Variants in B9D1 observed in about 807,000 individuals in gnomAD.
The protein encoded by B9D1 is B9 domain containing 1.
Under a neutral mutation model 26.1 loss-of-function variants are expected in B9D1, and 20 were observed. That is an observed-to-expected ratio of 0.77 (90% confidence interval 0.54 to 1.12). B9D1 has a LOEUF of 1.12. Among genes scored for constraint, B9D1 ranks in the 50% most tolerant of loss-of-function variants. B9D1 has a pLI of 0.00. For synonymous variants in B9D1, 105 were observed against 103.1 expected, an observed-to-expected ratio of 1.02 and a Z score of -0.11; for missense variants, 260 against 273.7, an observed-to-expected ratio of 0.95 and a Z score of 0.35.
At chr17:19,362,746 G>T, upstream of B9D1, 33 of 1,333,780 alleles carry the variant, frequency 2.5e-5, no homozygotes, top group East Asian at 6.9e-5. Context: ...AACGGGCGCC[G>T]TTATAAGGGG....
upstream of B9D1, chr17:19,362,842 C>A: frequency 1.2e-6 from 1 of 861,738 alleles, no homozygotes; most frequent in Non-Finnish European, 1.7e-6. Context: ...GGAGCGTTGA[C>A]CTGTCGGGTA....
At chr17:19,358,067 A>G in intron 2 of B9D1, 116 bp from the exon 3 acceptor site, 1 of 751,026 alleles carries the variant, frequency 1.3e-6, no homozygotes. Flanking sequence ...TCTTCTCCCA[A>G]GACACGAACT....
intron 3 of B9D1, among the ~76,000 whole-genome samples, chr17:19,349,469 T>A (rs926546798): frequency 5.3e-5 from 8 of 151,416 alleles, no homozygotes; most frequent in African/African-American, 1.9e-4. Context: ...CACTGCAACC[T>A]CAACCTCCTG....
Position 19,347,817 on chromosome 17 carries a change from T to TA in B9D1, c.307dup (p.Tyr103LeufsTer27). ...TGAGAAGGGCACGTGCACGGCCCCA[T>TA]AGCCTCGAACCACATCGTTCCCGAA... On this transcript the variant is annotated frameshift_variant, in exon 4 of 7. Coordinates refer to ENST00000261499, the MANE Select transcript of B9D1 (RefSeq NM_015681.6). LOFTEE classifies it high-confidence loss of function. This position sits in a 1 kb window ranked among gnomAD's most constrained non-coding sequence, Gnocchi z 4.3. 1 of 1,613,892 alleles carries TA rather than the reference T, an allele frequency of 6.2e-7. No homozygotes were observed. The highest frequency in any genetic ancestry group is 1.1e-5 in the South Asian group (1 of 91,064).
chr17:19,356,532 C>T (rs1757181756), intron 3 of B9D1, among the ~76,000 whole-genome samples: 1 of 152,194 alleles, frequency 6.6e-6, no homozygotes, highest in Non-Finnish European at 1.5e-5. Context: ...CTCCCTTATT[C>T]CTAGGGCAGC....
At chr17:19,375,234 G>A (rs1183595882) in intron 1 of B9D1, among the ~76,000 whole-genome samples, 1 of 151,734 alleles carries the variant, frequency 6.6e-6, no homozygotes, top group Non-Finnish European at 1.5e-5. Flanking sequence ...AGGCTGCAGT[G>A]AGCTGAGATC....
chr17:19,340,633 C>T (rs1043112477), downstream of B9D1, among the ~76,000 whole-genome samples: 1 of 151,134 alleles, frequency 6.6e-6, no homozygotes, highest in Admixed American at 6.6e-5. Flanking sequence ...ACTAAAAATA[C>T]AAAAATTAGC....
At chr17:19,361,955 G>C (rs566629387) in intron 1 of B9D1, among the ~76,000 whole-genome samples, 1 of 152,318 alleles carries the variant, frequency 6.6e-6, no homozygotes, top group South Asian at 2.1e-4. Flanking sequence ...TTGAGGACTT[G>C]GTGAGCGTTG....
intron 5 of B9D1, among the ~76,000 whole-genome samples, chr17:19,346,248 G>A (rs900079283): frequency 6.6e-6 from 1 of 152,182 alleles, no homozygotes; most frequent in African/African-American, 2.4e-5. Context: ...CCTCCCAGAA[G>A]GACTCCTAGG....
intron 1 of B9D1, among the ~76,000 whole-genome samples, chr17:19,361,764 A>G (rs1248283485): frequency 6.6e-6 from 1 of 151,872 alleles, no homozygotes; most frequent in East Asian, 1.9e-4. Context: ...AATAAACACC[A>G]CCTCCAACAG....
At chr17:19,371,491 G>A (rs1056307323) in intron 1 of B9D1, 12 of 152,212 alleles carry the variant, frequency 7.9e-5, no homozygotes, top group Admixed American at 5.9e-4. Context: ...CTGAGGCTCA[G>A]AGAGGGCCGA....
downstream of B9D1, chr17:19,335,412 G>C (rs779893240): frequency 6.5e-7 from 1 of 1,549,880 alleles, no homozygotes; most frequent in South Asian, 1.2e-5. Flanking sequence ...AAGGCATGCA[G>C]GGATTAACAG....
chr17:19,375,339 T>C (rs913746424), intron 1 of B9D1, among the ~76,000 whole-genome samples: 2 of 151,474 alleles, frequency 1.3e-5, no homozygotes, highest in Non-Finnish European at 2.9e-5. Context: ...TGAACAGACA[T>C]TTCCCCAAAG....
At chr17:19,365,046 T>A (rs1365453349), upstream of B9D1, among the ~76,000 whole-genome samples, 1 of 152,216 alleles carries the variant, frequency 6.6e-6, no homozygotes, top group African/African-American at 2.4e-5. The surrounding 1 kb of genome is among the most constrained non-coding windows in gnomAD (Gnocchi z 5.0). Context: ...TCTGCTCCCA[T>A]CCTTACTGAA....
At chr17:19,346,648 C>T (rs1428249505) in intron 5 of B9D1, among the ~76,000 whole-genome samples, 1 of 152,158 alleles carries the variant, frequency 6.6e-6, no homozygotes, top group Non-Finnish European at 1.5e-5. Flanking sequence ...CCCCTGGGCC[C>T]TCCCTGCAGG....
At chr17:19,366,987 C>T (rs1911622833), upstream of B9D1, among the ~76,000 whole-genome samples, 1 of 152,168 alleles carries the variant, frequency 6.6e-6, no homozygotes, top group Admixed American at 6.6e-5. Context: ...AATAGAGGCA[C>T]ATAAACAGAA....
upstream of B9D1, chr17:19,362,833 G>A (rs892129526): frequency 1.2e-5 from 12 of 978,048 alleles, no homozygotes; most frequent in Non-Finnish European, 1.8e-5. Context: ...GCTGGGGCGG[G>A]AGCGTTGACC....
At chr17:19,346,448 C>A (rs150078797) in intron 5 of B9D1, among the ~76,000 whole-genome samples, 1 of 152,356 alleles carries the variant, frequency 6.6e-6, no homozygotes, top group Non-Finnish European at 1.5e-5. Context: ...CCGGCTGCTG[C>A]CCTGGAACCC....
At chr17:19,367,345 C>G (rs1427813048), upstream of B9D1, among the ~76,000 whole-genome samples, 1 of 134,108 alleles carries the variant, frequency 7.5e-6, no homozygotes, top group East Asian at 2.3e-4. Context: ...GAGTTTCGCT[C>G]TTGTTGCCCA....
Sources: allele counts gnomAD v4.1 joint callset (sites outside exome capture counted in the v4.1 genomes callset), GRCh38; gene constraint gnomAD v4.1.1; non-coding constraint Gnocchi (gnomAD v3.1); transcripts MANE v1.5; gene names NCBI Gene and HGNC (gene_info 2026-07-23, HGNC 2026-07-21).